Variants in EPHA3 observed in about 807,000 individuals in gnomAD.
EPHA3 encodes the protein ephrin type-A receptor 3.
In EPHA3, 42 loss-of-function variants were observed where a neutral mutation model predicts 107.1. The ratio of observed to expected loss-of-function variants is 0.39; its 90% CI spans 0.31 to 0.51. The LOEUF (loss-of-function observed/expected upper bound fraction) is 0.51, where lower values mean the gene tolerates loss of function less well. Among genes scored for constraint, EPHA3 ranks in the 20% least tolerant of loss-of-function variants. The pLI is 0.78. For missense variants in EPHA3, 1,183 were observed against 1,211.2 expected (o/e 0.98, Z 0.35); for synonymous variants, 461 against 424.8 (o/e 1.09, Z -1.05).
chr3:89,253,234 C>A (rs1475110664), intron 3 of EPHA3, among the ~76,000 whole-genome samples: 1 of 151,970 alleles, frequency 6.6e-6, no homozygotes, highest in Non-Finnish European at 1.5e-5. Flanking sequence ...CAATGACTAA[C>A]TATACCTCAC....
chr3:89,432,069 A>G (rs867251306), intron 13 of EPHA3, among the ~76,000 whole-genome samples: 2 of 152,058 alleles, frequency 1.3e-5, no homozygotes, highest in Non-Finnish European at 2.9e-5. Flanking sequence ...AGCAAACCCT[A>G]ATTAGTGAGC....
chr3:89,182,879 G>A (rs1705476603), intron 2 of EPHA3, among the ~76,000 whole-genome samples: 1 of 151,588 alleles, frequency 6.6e-6, no homozygotes, highest in Non-Finnish European at 1.5e-5. Context: ...CTGGTTTTCA[G>A]AATCACATGG....
Position 89,450,321 on chromosome 3 carries a change from C to A in EPHA3, c.2641C>A (p.Leu881Ile), listed in dbSNP as rs766511234. 15 of 1,613,816 alleles carry A rather than the reference C, an allele frequency of 9.3e-6. No individual in the cohort carries two copies. Among genetic ancestry groups the A allele is most frequent in the Middle Eastern group, 1.7e-4 (1 of 6,052 alleles). Residue 881 changes from leucine (L) to isoleucine (I), a missense_variant, in exon 15 of 17, where the codon CTT becomes ATT. Transcript: ENST00000336596. Reference sequence around the variant, plus strand: ...GCAGATTGTTAGTATTCTGGACAAGCTTATCCGGAATCCCGGCAGCCTGAA... The same window carrying A: ...GCAGATTGTTAGTATTCTGGACAAGATTATCCGGAATCCCGGCAGCCTGAA... The part of the protein sequence containing the change: ...FEQIVSILDK[L>I]IRNPGSLKII...
chr3:89,243,684 C>A (rs1019268563), intron 3 of EPHA3, among the ~76,000 whole-genome samples: 1 of 152,078 alleles, frequency 6.6e-6, no homozygotes, highest in Admixed American at 6.6e-5. Flanking sequence ...GAGTAGATTG[C>A]AAAAATTTTC....
intron 3 of EPHA3, among the ~76,000 whole-genome samples, chr3:89,334,971 G>A (rs9868782): frequency 0.23 from 35,410 of 152,014 alleles, 4,429 homozygotes; most frequent in Non-Finnish European, 0.27. Context: ...TAACATATAA[G>A]TGACATATAA....
At chr3:89,175,653 T>C (rs1705306194) in intron 2 of EPHA3, among the ~76,000 whole-genome samples, 1 of 152,138 alleles carries the variant, frequency 6.6e-6, no homozygotes, top group Non-Finnish European at 1.5e-5. Context: ...AAACTAATAT[T>C]ATTAAATATT....
Position 89,431,290 on chromosome 3 carries a change from G to T in EPHA3, c.2277G>T (p.Val759=). The change falls in exon 13 of 17, where the codon GTG becomes GTT. Residue 759 remains valine (V), a synonymous_variant. Coordinates refer to ENST00000336596, the MANE Select transcript of EPHA3 (RefSeq NM_005233.6). ...ACATCTTGATCAACAGTAACTTGGT[G>T]TGTAAGGTTTCTGATTTCGGACTTT... ...ARNILINSNL[V]CKVSDFGLSR... is the part of the protein sequence containing the mutation. The T allele has an allele frequency of 6.2e-7, 1 of 1,613,710 alleles. No homozygotes were observed. The highest frequency in any genetic ancestry group is 8.5e-7 in the Non-Finnish European group (1 of 1,179,932).
At chr3:89,195,671 G>A (rs960577904) in intron 2 of EPHA3, among the ~76,000 whole-genome samples, 1 of 152,116 alleles carries the variant, frequency 6.6e-6, no homozygotes, top group African/African-American at 2.4e-5. Flanking sequence ...TTCAATGAGT[G>A]GATTATGTGG....
intron 5 of EPHA3, among the ~76,000 whole-genome samples, chr3:89,390,829 G>A (rs1472590207): frequency 4.5e-5 from 6 of 133,084 alleles, no homozygotes; most frequent in Admixed American, 1.5e-4. Flanking sequence ...TTGTTTTCCA[G>A]GCTGGAGTGC....
At position 89,235,426 on chromosome 3, in the gene EPHA3, C is replaced by A. The variant is rs528933527; in HGVS notation, c.814+24906C>A. On this transcript the variant is annotated intron_variant, in intron 3 of 16. Transcript: ENST00000336596. The stretch of plus-strand genomic sequence containing the variant: ...AAATATATCAACCCATGTGCCAATT[C>A]TTTACTTTCTTAGTATAGCGTCGTA... Among the ~76,000 whole-genome samples the A allele has an allele frequency of 2.0e-5, 3 of 152,250 alleles. No individual in the cohort carries two copies. In the South Asian group the frequency reaches 6.2e-4, roughly 32 times the overall value.
chr3:89,238,388 C>T (rs1448497612), intron 3 of EPHA3, among the ~76,000 whole-genome samples: 1 of 152,158 alleles, frequency 6.6e-6, no homozygotes, highest in Non-Finnish European at 1.5e-5. Context: ...TTGCTAGTAG[C>T]TTGAAATCTC....
chr3:89,341,858 C>G lies in EPHA3; in HGVS notation c.1074C>G (p.Thr358=). Residue 358 remains threonine, a synonymous_variant, in exon 5 of 17, where the codon ACC becomes ACG. Transcript: ENST00000336596. ...ACACAGGAGGCCGGAAAGATGTTAC[C>G]TTCAACATCATATGTAAAAAATGTG... The part of the protein sequence containing the change: ...PLDTGGRKDV[T]FNIICKKCGW... 6.2e-7 allele frequency: 1 copy of G among 1,613,794 alleles called. No individual in the cohort carries two copies. Among genetic ancestry groups the G allele is most frequent in the Non-Finnish European group, 8.5e-7 (1 of 1,179,962 alleles).
Position 89,481,427 on chromosome 3 carries a change from A to G in EPHA3, c.*1925A>G, listed in dbSNP as rs908406690. ...TACCTGCTATCAGCAGCTAGAAAAC[A>G]TTTTTTTTTTAAATCAAGTATTTTG... On this transcript the variant is annotated 3_prime_UTR_variant, in exon 17 of 17. Coordinates refer to ENST00000336596, the MANE Select transcript of EPHA3 (RefSeq NM_005233.6). 9.1e-6 allele frequency: 2 copies of G among 219,910 alleles called. No individual in the cohort carries two copies. Among genetic ancestry groups the G allele is most frequent in the African/African-American group, 4.5e-5 (2 of 44,252 alleles). 13.6% of individuals were successfully genotyped at this position (219,910 alleles called of 1,614,324 possible). A position where few individuals can be genotyped will look rare whatever the true frequency, so the allele number is the denominator to read the frequency against.
At chr3:89,139,279 C>T (rs1246289172) in intron 2 of EPHA3, among the ~76,000 whole-genome samples, 1 of 151,826 alleles carries the variant, frequency 6.6e-6, no homozygotes, top group African/African-American at 2.4e-5. Flanking sequence ...CCCAGGAAAA[C>T]TGATAGCCGC....
At chr3:89,114,880 G>T (rs532720056) in intron 1 of EPHA3, among the ~76,000 whole-genome samples, 1 of 152,364 alleles carries the variant, frequency 6.6e-6, no homozygotes, top group South Asian at 2.1e-4. Flanking sequence ...GAGTCCATGC[G>T]CCTTGGACGG....
chr3:89,379,865 T>A (rs1421776591), intron 5 of EPHA3, among the ~76,000 whole-genome samples: 1 of 152,154 alleles, frequency 6.6e-6, no homozygotes. Flanking sequence ...TTCCAAAATC[T>A]GATTTCCAAA....
At chr3:89,401,577 T>A (rs1162138134) in intron 7 of EPHA3, among the ~76,000 whole-genome samples, 2 of 152,218 alleles carry the variant, frequency 1.3e-5, no homozygotes, top group Non-Finnish European at 2.9e-5. Flanking sequence ...AAGTTTCTCC[T>A]TTTGAAATGA....
At chr3:89,189,537 G>A (rs1255071373) in intron 2 of EPHA3, among the ~76,000 whole-genome samples, 2 of 152,170 alleles carry the variant, frequency 1.3e-5, no homozygotes, top group Non-Finnish European at 2.9e-5. Context: ...AGGTTGCAGT[G>A]AGCCCAGATT....
At chr3:89,179,771 C>T (rs1235680597) in intron 2 of EPHA3, among the ~76,000 whole-genome samples, 1 of 151,802 alleles carries the variant, frequency 6.6e-6, no homozygotes, top group African/African-American at 2.4e-5. Flanking sequence ...ATGCATGTTA[C>T]CAAGTCAAAC....
Sources: allele counts gnomAD v4.1 joint callset (sites outside exome capture counted in the v4.1 genomes callset), GRCh38; gene constraint gnomAD v4.1.1; transcripts MANE v1.5; gene names NCBI Gene and HGNC (gene_info 2026-07-23, HGNC 2026-07-21).